The following CELF2 variants were observed in gnomAD, a reference collection of about 807,000 sequenced individuals.
The protein encoded by CELF2 is CUGBP Elav-like family member 2.
Under a neutral mutation model 62.6 loss-of-function variants are expected in CELF2, and 8 were observed. That is an observed-to-expected ratio of 0.13 (90% CI 0.07 to 0.23). CELF2 has a LOEUF of 0.23. Ranked by LOEUF, CELF2 falls within the 10% of genes least tolerant of loss-of-function variation. The pLI, the probability that CELF2 is intolerant of heterozygous loss-of-function variation, is 1.00. For synonymous variants in CELF2, 258 were observed against 250.0 expected (o/e 1.03, Z -0.30); for missense variants, 333 against 671.0 (o/e 0.50, Z 5.56).
chr10:10,797,183 A>C (rs546913876), upstream of CELF2, among the ~76,000 whole-genome samples: 1 of 152,156 alleles, frequency 6.6e-6, no homozygotes, highest in Non-Finnish European at 1.5e-5. Context: ...GAAAGAACAG[A>C]GATTCTCTTT....
intron 1 of CELF2, among the ~76,000 whole-genome samples, chr10:10,894,000 A>G (rs113783895): frequency 8.5e-5 from 13 of 152,322 alleles, no homozygotes; most frequent in Admixed American, 3.3e-4. Context: ...CTGGAATCAG[A>G]GAGCGTTCTT....
intron 1 of CELF2, among the ~76,000 whole-genome samples, chr10:11,101,305 G>C (rs905971906): frequency 6.6e-6 from 1 of 152,158 alleles, no homozygotes; most frequent in Non-Finnish European, 1.5e-5. Context: ...ATAGAAAATA[G>C]GATGTACAGA....
intron 4 of CELF2, among the ~76,000 whole-genome samples, chr10:11,256,701 G>T (rs1184217222): frequency 6.8e-6 from 1 of 146,748 alleles, no homozygotes; most frequent in Non-Finnish European, 1.5e-5. Context: ...CTCCTAAAAA[G>T]GACTCCAAAC....
At chr10:11,212,173 T>G (rs1239310084) in intron 2 of CELF2, among the ~76,000 whole-genome samples, 1 of 152,164 alleles carries the variant, frequency 6.6e-6, no homozygotes, top group African/African-American at 2.4e-5. Flanking sequence ...TTTCAGGGAA[T>G]CTGGGCGTCA....
chr10:10,725,238 A>ACT, the CELF2 span, among the ~76,000 whole-genome samples: 1 of 152,340 alleles, frequency 6.6e-6, no homozygotes, highest in East Asian at 1.9e-4. Context: ...TAACAGTAAT[A>ACT]ATATAACTAC....
chr10:10,604,999 T>C, the CELF2 span, among the ~76,000 whole-genome samples: 2 of 152,150 alleles, frequency 1.3e-5, no homozygotes, highest in Non-Finnish European at 2.9e-5. Context: ...CTATTCACAA[T>C]AGCAAAGACA....
At chr10:10,755,736 C>G in the CELF2 span, among the ~76,000 whole-genome samples, 1 of 152,198 alleles carries the variant, frequency 6.6e-6, no homozygotes, top group Non-Finnish European at 1.5e-5. Context: ...GATCTTAGTA[C>G]AGTCACTCTT....
chr10:11,223,078 G>C lies in CELF2; in HGVS notation c.354+5571G>C, dbSNP rs189935542. 8.5e-4 allele frequency among the ~76,000 whole-genome samples: 129 copies of C among 152,280 alleles called. No homozygotes were observed. Among genetic ancestry groups the C allele is most frequent in the African/African-American group, 2.9e-3 (119 of 41,554 alleles). ...CTTTCTTATTTGAGGCTTCACCAAC[G>C]ATCTCAGTTCCTTGGTGTAATTATA... is the stretch of plus-strand genomic sequence containing the variant. On this transcript the variant is annotated intron_variant, in intron 3 of 12. Coordinates refer to ENST00000633077, the MANE Select transcript of CELF2 (RefSeq NM_001326342.2). This position sits in a 1 kb window ranked among gnomAD's most constrained non-coding sequence, Gnocchi z 5.1.
intron 1 of CELF2, among the ~76,000 whole-genome samples, chr10:10,831,611 G>A (rs1028094891): frequency 4.6e-5 from 7 of 152,202 alleles, no homozygotes; most frequent in Non-Finnish European, 2.9e-5. Context: ...TGGTCAAGCT[G>A]TTCCCAAATC....
chr10:11,061,099 G>A (rs2066623567), intron 1 of CELF2, among the ~76,000 whole-genome samples: 1 of 152,188 alleles, frequency 6.6e-6, no homozygotes, highest in Non-Finnish European at 1.5e-5. Context: ...GCTGAGAAAC[G>A]CTGAAAGCTG....
intron 1 of CELF2, among the ~76,000 whole-genome samples, chr10:11,089,205 T>C (rs945889838): frequency 9.2e-5 from 14 of 152,254 alleles, no homozygotes; most frequent in Middle Eastern, 3.4e-3. Flanking sequence ...CAAAAGAGCA[T>C]GTGGGATGGG....
intron 1 of CELF2, among the ~76,000 whole-genome samples, chr10:11,067,199 G>A (rs74755281): frequency 0.01 from 1,569 of 152,288 alleles, 6 homozygotes; most frequent in Non-Finnish European, 0.014. Context: ...GAGTTCTAAG[G>A]AGGAAGCCAT....
At chr10:11,078,544 A>G (rs1408792570) in intron 1 of CELF2, among the ~76,000 whole-genome samples, 2 of 152,172 alleles carry the variant, frequency 1.3e-5, no homozygotes, top group African/African-American at 4.8e-5. Flanking sequence ...AACCTTGTTC[A>G]TTTCCAAATC....
chr10:10,810,176 T>C (rs2055705052), intron 1 of CELF2, among the ~76,000 whole-genome samples: 1 of 152,222 alleles, frequency 6.6e-6, no homozygotes, highest in African/African-American at 2.4e-5. Flanking sequence ...ACCTATGGCT[T>C]TCATTTTTAA....
At chr10:11,020,204 T>A (rs1474173154) in intron 1 of CELF2, among the ~76,000 whole-genome samples, 1 of 152,274 alleles carries the variant, frequency 6.6e-6, no homozygotes, top group Non-Finnish European at 1.5e-5. Context: ...ATGTTAGTTA[T>A]TTCCAAATGA....
chr10:10,841,258 G>A (rs2058663331), intron 1 of CELF2, among the ~76,000 whole-genome samples: 1 of 151,560 alleles, frequency 6.6e-6, no homozygotes. Flanking sequence ...TCTCTTAAAA[G>A]TGTCTTTCTC....
the CELF2 span, among the ~76,000 whole-genome samples, chr10:10,592,570 T>G: frequency 7.9e-5 from 12 of 152,290 alleles, no homozygotes; most frequent in East Asian, 2.1e-3. Context: ...TCATCTGCAT[T>G]TGTCTTTCAG....
chr10:11,163,259 C>G (rs1448337816), intron 1 of CELF2, among the ~76,000 whole-genome samples: 2 of 152,186 alleles, frequency 1.3e-5, no homozygotes, highest in African/African-American at 4.8e-5. Context: ...TGCGGCAGCC[C>G]CATTTTTTGA....
At chr10:10,558,090 A>G in the CELF2 span, among the ~76,000 whole-genome samples, 1 of 151,122 alleles carries the variant, frequency 6.6e-6, no homozygotes, top group Non-Finnish European at 1.5e-5. Flanking sequence ...GAGTGGTGAG[A>G]GAGGGCATCC....
Sources: gnomAD v4.1 joint callset for allele counts (sites outside exome capture counted in the v4.1 genomes callset) on GRCh38, gnomAD v4.1.1 for gene constraint, Gnocchi (gnomAD v3.1) non-coding constraint, MANE v1.5 for transcripts, NCBI Gene and HGNC (gene_info 2026-07-23, HGNC 2026-07-21) for gene names.